The following SCFD1 variants were observed in gnomAD, a reference collection of about 807,000 sequenced individuals.
SCFD1 encodes sec1 family domain-containing protein 1.
A neutral mutation model predicts 103.2 loss-of-function variants in SCFD1; 37 were observed. That is an observed-to-expected ratio of 0.36 (90% CI 0.28 to 0.47). The LOEUF (loss-of-function observed/expected upper bound fraction) is 0.47, where lower values mean the gene tolerates loss of function less well. SCFD1 is among the 20% of genes least tolerant of loss of function. SCFD1 has a pLI of 1.00. For missense variants in SCFD1, 639 were observed against 761.2 expected, an observed-to-expected ratio of 0.84 and a Z score of 1.89; for synonymous variants, 264 against 245.0, an observed-to-expected ratio of 1.08 and a Z score of -0.73.
At chr14:30,720,104 T>C (rs994548822) in intron 21 of SCFD1, among the ~76,000 whole-genome samples, 9 of 152,204 alleles carry the variant, frequency 5.9e-5, no homozygotes, top group Non-Finnish European at 1.3e-4. Flanking sequence ...TCCCAAGCTT[T>C]CGTATCTTTG....
rs1201100639 is a variant in SCFD1, at chr14:30,631,890, A to C, written c.221+1325A>C. The stretch of plus-strand genomic sequence containing the variant: ...GTGAAACCCCGTCTCTACTAAAAGT[A>C]CAAAAATTAGCTGGGCATGGTGGCG... On this transcript the variant is annotated intron_variant, in intron 3 of 24. Transcript: ENST00000458591. Among the ~76,000 whole-genome samples the C allele has an allele frequency of 2.0e-5, 3 of 151,990 alleles. No homozygotes were observed. The East Asian group carries it at 5.8e-4, about 29-fold the overall frequency.
intron 23 of SCFD1, among the ~76,000 whole-genome samples, chr14:30,724,862 A>T (rs1441558114): frequency 2.0e-5 from 3 of 152,036 alleles, no homozygotes; most frequent in African/African-American, 7.3e-5. Flanking sequence ...TGATTTTTGT[A>T]TGTGGTGTAA....
chr14:30,721,984 T>A lies in SCFD1; in HGVS notation c.1770+67T>A, dbSNP rs1356539644. 4 of 1,133,534 alleles carry A rather than the reference T, an allele frequency of 3.5e-6. No homozygotes were observed. In the African/African-American group the frequency reaches 6.2e-5, roughly 18 times the overall value. The allele number at this position is 1,133,534 out of a possible 1,614,324, so 70.2% of individuals were successfully genotyped here. A position where few individuals can be genotyped will look rare whatever the true frequency, so the allele number is the denominator to read the frequency against. On this transcript the variant is annotated intron_variant, in intron 22 of 24. Transcript: ENST00000458591. ...ATGAAAGGTGACCAATCTTGAAGAC[T>A]GTCTGTACCAAACATGGCTTTATGA...
At chr14:30,627,764 A>AAAAGAAAG in intron 1 of SCFD1, among the ~76,000 whole-genome samples, 1 of 133,918 alleles carries the variant, frequency 7.5e-6, no homozygotes, top group Non-Finnish European at 1.5e-5. Context: ...AAAAAAAAAA[A>AAAAGAAAG]AAAGAAAGAC....
At chr14:30,641,565 A>G (rs1344892513) in intron 6 of SCFD1, among the ~76,000 whole-genome samples, 1 of 152,228 alleles carries the variant, frequency 6.6e-6, no homozygotes, top group Non-Finnish European at 1.5e-5. Context: ...TGTGCCACTG[A>G]TTAATGAAAT....
At chr14:30,639,698 T>C in intron 5 of SCFD1, 79 bp from the exon 6 acceptor site, 2 of 1,368,114 alleles carry the variant, frequency 1.5e-6, no homozygotes, top group Non-Finnish European at 1.9e-6. Flanking sequence ...CTACCATTGG[T>C]AGGTTAGAGC....
Position 30,735,621 on chromosome 14 carries a change from C to A in SCFD1, c.*12C>A, listed in dbSNP as rs1476461727. 1.3e-6 allele frequency: 2 copies of A among 1,581,266 alleles called. No individual in the cohort carries two copies. The highest frequency in any genetic ancestry group is 1.7e-5 in the Admixed American group (1 of 57,496). ...TTGGACAAAAGTAACACAGAAGAAC[C>A]TTACTATGATAATCTACTTGGAATG... On this transcript the variant is annotated 3_prime_UTR_variant, in exon 25 of 25. Transcript: ENST00000458591.
At chr14:30,669,061 A>T (rs1000172092) in intron 10 of SCFD1, among the ~76,000 whole-genome samples, 10 of 152,150 alleles carry the variant, frequency 6.6e-5, no homozygotes, top group African/African-American at 2.4e-4. Context: ...GTATGTAGAC[A>T]TCTGTAATTT....
At chr14:30,628,768 A>G (rs968870228) in intron 2 of SCFD1, among the ~76,000 whole-genome samples, 2 of 152,180 alleles carry the variant, frequency 1.3e-5, no homozygotes, top group Non-Finnish European at 2.9e-5. Context: ...AAAAATTCCA[A>G]TTCTTTAGGC....
rs781616334 is a variant in SCFD1, at chr14:30,639,768, T to C, written c.436-9T>C. On this transcript the variant is annotated splice_polypyrimidine_tract_variant and intron_variant, in intron 5 of 24. Coordinates refer to ENST00000458591, the MANE Select transcript of SCFD1 (RefSeq NM_016106.4). ...AGATTGATTTGTAAACCTTTTCTTT[T>C]GTTTCTAGGTTTTTGACCAATATCT... 6 of 1,563,490 alleles carry C rather than the reference T, an allele frequency of 3.8e-6. No individual in the cohort carries two copies. The African/African-American group carries it at 4.1e-5, about 11-fold the overall frequency.
chr14:30,646,154 C>T (rs1885805551), intron 7 of SCFD1, among the ~76,000 whole-genome samples: 1 of 152,152 alleles, frequency 6.6e-6, no homozygotes, highest in Non-Finnish European at 1.5e-5. Context: ...TCCCGAGTAG[C>T]TGGGACTACA....
At chr14:30,693,260 A>G (rs932107746) in intron 14 of SCFD1, among the ~76,000 whole-genome samples, 4 of 152,092 alleles carry the variant, frequency 2.6e-5, no homozygotes, top group Non-Finnish European at 5.9e-5. Context: ...TAGAATACAG[A>G]CTCTGCTGAT....
intron 16 of SCFD1, among the ~76,000 whole-genome samples, chr14:30,701,975 C>A (rs1891110807): frequency 6.6e-6 from 1 of 152,154 alleles, no homozygotes; most frequent in Non-Finnish European, 1.5e-5. Context: ...CCAAATCATT[C>A]ATTTAGTGTG....
chr14:30,693,924 A>G (rs1441455352), intron 14 of SCFD1, among the ~76,000 whole-genome samples: 1 of 152,188 alleles, frequency 6.6e-6, no homozygotes, highest in East Asian at 1.9e-4. Flanking sequence ...GAGGATCTTA[A>G]TATGTTAACT....
At chr14:30,694,370 T>A (rs1399820992) in intron 14 of SCFD1, among the ~76,000 whole-genome samples, 1 of 152,194 alleles carries the variant, frequency 6.6e-6, no homozygotes, top group East Asian at 1.9e-4. Flanking sequence ...TAAGACACTT[T>A]AAATTCTTTT....
At chr14:30,731,902 A>C (rs1323712649) in intron 23 of SCFD1, among the ~76,000 whole-genome samples, 1 of 151,926 alleles carries the variant, frequency 6.6e-6, no homozygotes, top group Non-Finnish European at 1.5e-5. Flanking sequence ...TGAATAGGAG[A>C]GGTGAGAGAG....
At chr14:30,631,101 C>A (rs536112810) in intron 3 of SCFD1, among the ~76,000 whole-genome samples, 48 of 152,290 alleles carry the variant, frequency 3.2e-4, no homozygotes, top group Non-Finnish European at 5.7e-4. Context: ...CGCCTGTAAT[C>A]CCAGTACTTT....
chr14:30,651,678 T>A (rs540581041), intron 9 of SCFD1, among the ~76,000 whole-genome samples: 61 of 152,170 alleles, frequency 4.0e-4, no homozygotes, highest in Non-Finnish European at 7.3e-4. Context: ...ACTGTTTTAT[T>A]TGGATAATTT....
chr14:30,663,507 A>T (rs1362348829), intron 10 of SCFD1, among the ~76,000 whole-genome samples: 3 of 152,200 alleles, frequency 2.0e-5, no homozygotes, highest in Admixed American at 6.6e-5. Context: ...TGAGAGGATT[A>T]AGTAAAGTCA....
Sources: gnomAD v4.1 joint callset for allele counts (sites outside exome capture counted in the v4.1 genomes callset) on GRCh38, gnomAD v4.1.1 for gene constraint, MANE v1.5 for transcripts, NCBI Gene and HGNC (gene_info 2026-07-23, HGNC 2026-07-21) for gene names.